The following EXT1 variants were observed in gnomAD, a reference collection of about 807,000 sequenced individuals.
The protein encoded by EXT1 is exostosin glycosyltransferase 1, also known as exostosin-1.
Under a neutral mutation model 82.5 loss-of-function variants are expected in EXT1, and 20 were observed. That is an observed-to-expected ratio of 0.24 (90% confidence interval 0.17 to 0.35). The LOEUF (loss-of-function observed/expected upper bound fraction) is 0.35, where lower values mean the gene tolerates loss of function less well. EXT1 is among the 10% of genes least tolerant of loss of function. The probability of loss-of-function intolerance (pLI) is 1.00; values close to 1 mark genes in which losing one functional copy is unlikely to be tolerated. For synonymous variants in EXT1, 348 were observed against 350.8 expected (o/e 0.99, Z 0.09); for missense variants, 757 against 936.5 (o/e 0.81, Z 2.50).
chr8:117,946,565 G>A (rs928312066), intron 1 of EXT1, among the ~76,000 whole-genome samples: 1 of 152,162 alleles, frequency 6.6e-6, no homozygotes, highest in Non-Finnish European at 1.5e-5. Flanking sequence ...CAACCTACAG[G>A]AGCGGGCAGG....
chr8:117,908,889 TGAG>T (rs1334163511), intron 1 of EXT1, among the ~76,000 whole-genome samples: 3 of 151,950 alleles, frequency 2.0e-5, no homozygotes, highest in African/African-American at 7.3e-5. Context: ...TTTGGGAGGC[TGAG>T]GAGGGCAGAT....
chr8:117,856,395 C>T (rs887392436), intron 1 of EXT1, among the ~76,000 whole-genome samples: 5 of 149,042 alleles, frequency 3.4e-5, no homozygotes, highest in Non-Finnish European at 7.4e-5. Context: ...GCTGGGACTA[C>T]AGGCGCCAGC....
chr8:117,883,113 G>T (rs1813089818), intron 1 of EXT1, among the ~76,000 whole-genome samples: 1 of 151,960 alleles, frequency 6.6e-6, no homozygotes, highest in Non-Finnish European at 1.5e-5. Context: ...AAGAAATTAT[G>T]TTCGAATACT....
chr8:117,852,959 A>G (rs972501112), intron 1 of EXT1, among the ~76,000 whole-genome samples: 2 of 152,176 alleles, frequency 1.3e-5, no homozygotes, highest in Non-Finnish European at 2.9e-5. Flanking sequence ...GTTCTGTGAG[A>G]GCACACATGG....
chr8:117,837,165 G>T lies in EXT1; in HGVS notation c.999C>A (p.Phe333Leu), dbSNP rs201458269. Residue 333 changes from phenylalanine (F) to leucine (L), a missense_variant, in exon 2 of 11, where the codon TTC becomes TTA. Physicochemically the swap from Phe to Leu is conservative, Grantham distance 22. Transcript: ENST00000378204. ...GCCTGCGACCACGAGGAACCAGACA[G>T]AAAGTGGCATTGTGCAGCATTTCCC... ...DYREMLHNAT[F>L]CLVPRGRRLG... 3 of 1,613,952 alleles carry T rather than the reference G, an allele frequency of 1.9e-6. No homozygotes were observed. Among genetic ancestry groups the T allele is most frequent in the Non-Finnish European group, 1.7e-6 (2 of 1,179,972 alleles).
At chr8:117,877,026 T>G (rs532967925) in intron 1 of EXT1, among the ~76,000 whole-genome samples, 1 of 152,142 alleles carries the variant, frequency 6.6e-6, no homozygotes, top group Non-Finnish European at 1.5e-5. Flanking sequence ...TGGATGTGCC[T>G]CAAAGCTAAC....
chr8:117,984,539 T>C (rs1586325207), intron 1 of EXT1, among the ~76,000 whole-genome samples: 4 of 151,060 alleles, frequency 2.6e-5, no homozygotes, highest in Non-Finnish European at 4.4e-5. Flanking sequence ...AAGGGGAAGA[T>C]ACCTTGGGAA....
intron 1 of EXT1, among the ~76,000 whole-genome samples, chr8:117,891,158 C>T (rs1276292759): frequency 1.3e-5 from 2 of 152,292 alleles, no homozygotes; most frequent in South Asian, 4.1e-4. Context: ...CACAAGAACA[C>T]CAAAAGGCCT....
At chr8:117,802,541 G>C (rs1823184179) in intron 10 of EXT1, among the ~76,000 whole-genome samples, 1 of 152,124 alleles carries the variant, frequency 6.6e-6, no homozygotes, top group Non-Finnish European at 1.5e-5. Flanking sequence ...TGCTATATAT[G>C]TTATAGCCTA....
At chr8:118,096,473 T>C (rs1397777565) in intron 1 of EXT1, among the ~76,000 whole-genome samples, 1 of 151,790 alleles carries the variant, frequency 6.6e-6, no homozygotes, top group African/African-American at 2.4e-5. Context: ...ATACAAAAAT[T>C]AGCTGGATGT....
intron 1 of EXT1, among the ~76,000 whole-genome samples, chr8:118,090,462 T>C (rs1817502013): frequency 1.3e-5 from 2 of 151,414 alleles, no homozygotes; most frequent in Non-Finnish European, 2.9e-5. Context: ...CCGTGGAAGC[T>C]GAAGCCACTC....
At chr8:117,894,344 T>A (rs958609871) in intron 1 of EXT1, among the ~76,000 whole-genome samples, 16 of 152,102 alleles carry the variant, frequency 1.1e-4, no homozygotes, top group African/African-American at 3.1e-4. Flanking sequence ...ACCAGCAGAG[T>A]AAATACCCCT....
intron 1 of EXT1, among the ~76,000 whole-genome samples, chr8:117,880,863 T>C (rs937286001): frequency 6.6e-6 from 1 of 152,208 alleles, no homozygotes; most frequent in African/African-American, 2.4e-5. Context: ...AGTGCTGGGA[T>C]TACAGGTGTG....
At chr8:117,983,902 C>T (rs1184861273) in intron 1 of EXT1, among the ~76,000 whole-genome samples, 2 of 152,158 alleles carry the variant, frequency 1.3e-5, no homozygotes, top group Non-Finnish European at 2.9e-5. Context: ...CCCTGTTTCT[C>T]CCTCCTATTG....
At chr8:117,988,771 A>G (rs1040168897) in intron 1 of EXT1, among the ~76,000 whole-genome samples, 2 of 152,190 alleles carry the variant, frequency 1.3e-5, no homozygotes, top group Non-Finnish European at 2.9e-5. Flanking sequence ...GCTGCCTGGT[A>G]ATGCCAAACA....
intron 1 of EXT1, among the ~76,000 whole-genome samples, chr8:117,978,051 T>C (rs982327894): frequency 5.3e-5 from 8 of 152,226 alleles, no homozygotes; most frequent in African/African-American, 1.7e-4. Flanking sequence ...TTTTGAAAAG[T>C]ATCTATTTGA....
rs550862429 is a variant in EXT1, at chr8:117,807,097, G to A, written c.1883+120C>T. 6.9e-5 allele frequency: 83 copies of A among 1,204,702 alleles called. No homozygotes were observed. The Admixed American group carries it at 7.6e-4, about 11-fold the overall frequency. The allele number at this position is 1,204,702 out of a possible 1,614,324, so 74.6% of individuals were successfully genotyped here. A position where few individuals can be genotyped will look rare whatever the true frequency, so the allele number is the denominator to read the frequency against. On this transcript the variant is annotated intron_variant, in intron 9 of 10. Transcript: ENST00000378204. ...TTTGACACATCAGCAAAACTTAAGC[G>A]GGGATACAGACTAATTTTCCTCAAT...
At chr8:117,873,585 AG>A (rs1812914280) in intron 1 of EXT1, among the ~76,000 whole-genome samples, 1 of 150,844 alleles carries the variant, frequency 6.6e-6, no homozygotes, top group Admixed American at 6.7e-5. Context: ...CCTCCCGAAT[AG>A]CTAGGATTAC....
chr8:117,915,910 T>A (rs1813740759), intron 1 of EXT1, among the ~76,000 whole-genome samples: 1 of 143,742 alleles, frequency 7.0e-6, no homozygotes, highest in African/African-American at 2.5e-5. Context: ...TCACTCTTTG[T>A]GATAAAGTCT....
Sources: allele counts gnomAD v4.1 joint callset (sites outside exome capture counted in the v4.1 genomes callset), GRCh38; gene constraint gnomAD v4.1.1; transcripts MANE v1.5; gene names NCBI Gene and HGNC (gene_info 2026-07-23, HGNC 2026-07-21).